The following CACNA1I variants were observed in gnomAD, a reference collection of about 807,000 sequenced individuals.
The protein encoded by CACNA1I is calcium voltage-gated channel subunit alpha1 I.
Under a neutral mutation model 201.6 loss-of-function variants are expected in CACNA1I, and 74 were observed. The ratio of observed to expected loss-of-function variants is 0.37; its 90% CI spans 0.30 to 0.45. CACNA1I has a LOEUF of 0.45. Among genes scored for constraint, CACNA1I ranks in the 20% least tolerant of loss-of-function variants. CACNA1I has a pLI of 1.00. For missense variants in CACNA1I, 2,346 were observed against 3,138.1 expected (o/e 0.75, Z 6.03); for synonymous variants, 1,431 against 1,345.2 (o/e 1.06, Z -1.40).
At chr22:39,576,375 G>A (rs1367808695) in intron 1 of CACNA1I, among the ~76,000 whole-genome samples, 2 of 152,368 alleles carry the variant, frequency 1.3e-5, no homozygotes, top group African/African-American at 2.4e-5. Flanking sequence ...GAAGCTCAAA[G>A]AGGTTGAGTC....
At chr22:39,594,772 C>T (rs1324361420) in intron 1 of CACNA1I, among the ~76,000 whole-genome samples, 2 of 152,114 alleles carry the variant, frequency 1.3e-5, no homozygotes, top group Admixed American at 6.5e-5. Context: ...CTTGGAGACA[C>T]TCCTGAGTCC....
chr22:39,669,529 G>A (rs936540192), intron 24 of CACNA1I, among the ~76,000 whole-genome samples: 10 of 151,958 alleles, frequency 6.6e-5, no homozygotes, highest in African/African-American at 2.4e-4. Flanking sequence ...GGATGGATGG[G>A]TGGATGGATG....
Position 39,599,311 on chromosome 22 carries a change from G to A in CACNA1I, c.348+1049G>A, listed in dbSNP as rs140638889. Among the ~76,000 whole-genome samples, 107 of 149,374 alleles carry A rather than the reference G, an allele frequency of 7.2e-4. No homozygotes were observed. The East Asian group carries it at 0.02, about 28-fold the overall frequency. On this transcript the variant is annotated intron_variant, in intron 2 of 36. Coordinates refer to ENST00000402142, the MANE Select transcript of CACNA1I (RefSeq NM_021096.4). ...GGCAGCACTGGGCCAGAGTCTCCCC[G>A]GGCACTTGGTAAAAATCCAGACCCC...
intron 2 of CACNA1I, 78 bp downstream of exon 2, chr22:39,598,340 C>T (rs1480134150): frequency 2.8e-6 from 2 of 717,858 alleles, no homozygotes; most frequent in Non-Finnish European, 4.8e-6. Flanking sequence ...ACTCCACACC[C>T]CCGCCCCATG....
chr22:39,662,152 C>T lies in CACNA1I; in HGVS notation c.3089C>T (p.Ala1030Val). 6.6e-7 allele frequency: 1 copy of T among 1,524,928 alleles called. No homozygotes were observed. Among genetic ancestry groups the T allele is most frequent in the Non-Finnish European group, 8.8e-7 (1 of 1,139,798 alleles). The allele number at this position is 1,524,928 out of a possible 1,614,324, so 94.5% of individuals were successfully genotyped here. ...VAADEGPPRA[A>V]PLHTPHAHHI... ...GCGGACGAGGGGCCGCCGCGGGCCG[C>T]ACCCCTGCACACCCCACACGCCCAC... The change falls in exon 17 of 37, where the codon GCA becomes GTA. Residue 1030 changes from alanine to valine, a missense_variant. Physicochemically the swap from Ala to Val is moderately conservative, Grantham distance 64. Transcript: ENST00000402142.
Position 39,570,788 on chromosome 22 carries a change from A to C in CACNA1I, c.36A>C (p.Ala12=). The C allele has an allele frequency of 3.7e-6, 6 of 1,612,274 alleles. No individual in the cohort carries two copies. Among genetic ancestry groups the C allele is most frequent in the Non-Finnish European group, 5.1e-6 (6 of 1,179,418 alleles). ...AESASPPSSS[A]AAPAAEPGVT... Reference sequence around the variant, plus strand: ...GCGCCTCCCCGCCCTCCTCATCTGCAGCAGCCCCAGCCGCTGAGCCAGGAG... The same window carrying C: ...GCGCCTCCCCGCCCTCCTCATCTGCCGCAGCCCCAGCCGCTGAGCCAGGAG... Residue 12 remains alanine (A), a synonymous_variant, in exon 1 of 37, where the codon GCA becomes GCC. Coordinates refer to ENST00000402142, the MANE Select transcript of CACNA1I (RefSeq NM_021096.4).
rs1196678944 is a variant in CACNA1I at position 39,658,202 on chromosome 22, C to T, written c.2043C>T (p.Ser681=). 1.9e-6 allele frequency: 3 copies of T among 1,613,872 alleles called. No homozygotes were observed. The highest frequency in any genetic ancestry group is 2.2e-5 in the East Asian group (1 of 44,900). Reference sequence around the variant, plus strand: ...AGATCTGCAATGTGGTCTTCACCAGCATGTTTGCCCTGGAGATGATCCTGA... The same window carrying T: ...AGATCTGCAATGTGGTCTTCACCAGTATGTTTGCCCTGGAGATGATCCTGA... ...ILEICNVVFT[S]MFALEMILKL... is the part of the protein sequence containing the mutation. The change falls in exon 11 of 37, where the codon AGC becomes AGT. Residue 681 remains serine, a synonymous_variant. Coordinates refer to ENST00000402142, the MANE Select transcript of CACNA1I (RefSeq NM_021096.4).
Position 39,583,147 on chromosome 22 carries a change from TCCAG to T in CACNA1I, c.236+12163_236+12166del, listed in dbSNP as rs1569046802. On this transcript the variant is annotated intron_variant, in intron 1 of 36. Transcript: ENST00000402142. ...ATGCATCCATCTCTCCATCCATCCA[TCCAG>T]CCATCCATGCATGCATCCATCTCTC... 4.7e-5 allele frequency among the ~76,000 whole-genome samples: 7 copies of T among 149,082 alleles called. No individual in the cohort carries two copies. The East Asian group carries it at 1.2e-3, about 26-fold the overall frequency.
Position 39,676,379 on chromosome 22 carries a change from C to T in CACNA1I, c.4855-962C>T, listed in dbSNP as rs564679569. On this transcript the variant is annotated intron_variant, in intron 29 of 36. Coordinates refer to ENST00000402142, the MANE Select transcript of CACNA1I (RefSeq NM_021096.4). This position sits in a 1 kb window ranked among gnomAD's most constrained non-coding sequence, Gnocchi z 4.8. Reference sequence around the variant, plus strand: ...CAGGAAACCCTGCTCTGGAGTGGAGCGGAGAAACTCGAGGAGTGGTGATTA... The same window carrying T: ...CAGGAAACCCTGCTCTGGAGTGGAGTGGAGAAACTCGAGGAGTGGTGATTA... Among the ~76,000 whole-genome samples the T allele has an allele frequency of 4.2e-4, 64 of 152,224 alleles. No individual in the cohort carries two copies. The highest frequency in any genetic ancestry group is 5.0e-4 in the Non-Finnish European group (34 of 67,998).
At chr22:39,579,004 C>T (rs1307046419) in intron 1 of CACNA1I, among the ~76,000 whole-genome samples, 1 of 151,798 alleles carries the variant, frequency 6.6e-6, no homozygotes, top group Admixed American at 6.6e-5. Flanking sequence ...CTTCCCTTTT[C>T]CTCACTAGCC....
intron 1 of CACNA1I, among the ~76,000 whole-genome samples, chr22:39,579,635 G>C (rs149064538): frequency 0.016 from 2,250 of 137,946 alleles, 60 homozygotes; most frequent in African/African-American, 0.064. Flanking sequence ...GTGGTGCAAG[G>C]CTCTTTCAAG....
chr22:39,641,488 C>G (rs558357292), intron 6 of CACNA1I, among the ~76,000 whole-genome samples: 20 of 152,270 alleles, frequency 1.3e-4, no homozygotes, highest in African/African-American at 4.6e-4. Flanking sequence ...CCCTATGGAT[C>G]CCAGCAGGGA....
intron 1 of CACNA1I, chr22:39,587,804 C>G (rs1304853673): frequency 4.2e-5 from 18 of 428,024 alleles, no homozygotes; most frequent in Non-Finnish European, 1.4e-5. Context: ...GAGACAGAGT[C>G]TTGCTCTGTC....
chr22:39,657,527 G>A (rs963181258), intron 10 of CACNA1I, among the ~76,000 whole-genome samples: 12 of 152,184 alleles, frequency 7.9e-5, no homozygotes, highest in Admixed American at 4.6e-4. Context: ...GGAGAGAAAA[G>A]TTCTGCATGG....
intron 1 of CACNA1I, among the ~76,000 whole-genome samples, chr22:39,585,100 C>T (rs989197629): frequency 6.6e-6 from 1 of 152,154 alleles, no homozygotes; most frequent in African/African-American, 2.4e-5. Context: ...GCTTTTGTTG[C>T]TCAGGCTGGA....
chr22:39,685,495 G>A lies in CACNA1I; in HGVS notation c.6028-266G>A, dbSNP rs1935833360. On this transcript the variant is annotated intron_variant, in intron 36 of 36. Transcript: ENST00000402142. This position sits in a 1 kb window ranked among gnomAD's most constrained non-coding sequence, Gnocchi z 5.0. ...TGGGCCCAGGGCTTCCCCTTGGAGT[G>A]AGCCTGGAGCCTTCTGTGACGGGCA... is the stretch of plus-strand genomic sequence containing the variant. Among the ~76,000 whole-genome samples the A allele has an allele frequency of 6.6e-6, 1 of 151,944 alleles. No homozygotes were observed. The highest frequency in any genetic ancestry group is 2.1e-4 in the South Asian group (1 of 4,826).
At chr22:39,636,544 G>T (rs73424176) in intron 5 of CACNA1I, among the ~76,000 whole-genome samples, 1 of 152,162 alleles carries the variant, frequency 6.6e-6, no homozygotes, top group Non-Finnish European at 1.5e-5. Context: ...TAAAGTTCAC[G>T]CACGTCTGGT....
In CACNA1I at chr22:39,626,095, C is replaced by T. The variant is rs569733546; in HGVS notation, c.580+6688C>T. Among the ~76,000 whole-genome samples, 4 of 152,298 alleles carry T rather than the reference C, an allele frequency of 2.6e-5. No homozygotes were observed. The South Asian group carries it at 8.3e-4, about 32-fold the overall frequency. On this transcript the variant is annotated intron_variant, in intron 4 of 36. Transcript: ENST00000402142. ...ACAATGCTGTGGGGAAGGCTGCCAT[C>T]CCCTCGGCTGCACAACCAGCTGGAG...
intron 5 of CACNA1I, among the ~76,000 whole-genome samples, chr22:39,637,855 C>T (rs1255538414): frequency 2.0e-5 from 3 of 152,088 alleles, no homozygotes; most frequent in Admixed American, 1.3e-4. Context: ...CTTTTAGGAA[C>T]TTACTTTTTT....
Sources: allele counts gnomAD v4.1 joint callset (sites outside exome capture counted in the v4.1 genomes callset), GRCh38; gene constraint gnomAD v4.1.1; non-coding constraint Gnocchi (gnomAD v3.1); transcripts MANE v1.5; gene names NCBI Gene and HGNC (gene_info 2026-07-23, HGNC 2026-07-21).